The following ADAMTS19 variants were observed in gnomAD, a reference collection of about 807,000 sequenced individuals.
ADAMTS19 encodes ADAM metallopeptidase with thrombospondin type 1 motif 19, also known as A disintegrin and metalloproteinase with thrombospondin motifs 19.
In ADAMTS19, 93 loss-of-function variants were observed where a neutral mutation model predicts 153.3. That is an observed-to-expected ratio of 0.61 (90% CI 0.51 to 0.72). The LOEUF (loss-of-function observed/expected upper bound fraction) is 0.72, where lower values mean the gene tolerates loss of function less well. ADAMTS19 is among the 30% of genes least tolerant of loss of function. The probability of loss-of-function intolerance (pLI) is 0.00; values close to 1 mark genes in which losing one functional copy is unlikely to be tolerated. For synonymous variants in ADAMTS19, 600 were observed against 556.6 expected (o/e 1.08, Z -1.10); for missense variants, 1,482 against 1,552.1 (o/e 0.95, Z 0.76).
chr5:129,666,983 A>G (rs973674414), intron 16 of ADAMTS19, among the ~76,000 whole-genome samples: 1 of 152,206 alleles, frequency 6.6e-6, no homozygotes, highest in Non-Finnish European at 1.5e-5. Flanking sequence ...AGGCAATATT[A>G]CAAAGGTGAC....
intron 2 of ADAMTS19, among the ~76,000 whole-genome samples, chr5:129,473,297 G>A (rs956603654): frequency 1.3e-5 from 2 of 151,998 alleles, no homozygotes; most frequent in South Asian, 2.1e-4. Flanking sequence ...ATTGGGATTT[G>A]AATGTTATGT....
Position 129,620,606 on chromosome 5 carries a change from A to T in ADAMTS19, c.1479-12A>T. The T allele has an allele frequency of 6.5e-7, 1 of 1,544,706 alleles. No homozygotes were observed. Among genetic ancestry groups the T allele is most frequent in the Non-Finnish European group, 8.7e-7 (1 of 1,146,662 alleles). ...AGTGTAAATTTTAAAATTTTATTAT[A>T]TTCCAAATCAGCATGGGCATTAACC... On this transcript the variant is annotated splice_polypyrimidine_tract_variant and intron_variant, in intron 8 of 22. Transcript: ENST00000274487.
chr5:129,618,251 C>T (rs1008203869), intron 8 of ADAMTS19, among the ~76,000 whole-genome samples: 1 of 151,912 alleles, frequency 6.6e-6, no homozygotes, highest in Non-Finnish European at 1.5e-5. Flanking sequence ...AAACATTTAT[C>T]TTCCTATTTT....
At chr5:129,672,187 C>T (rs1224473722) in intron 16 of ADAMTS19, among the ~76,000 whole-genome samples, 2 of 152,088 alleles carry the variant, frequency 1.3e-5, no homozygotes, top group Non-Finnish European at 2.9e-5. Context: ...TCTTGGGACT[C>T]TTATAAGAAC....
At chr5:129,723,309 A>T (rs571262973) in intron 21 of ADAMTS19, among the ~76,000 whole-genome samples, 1 of 152,320 alleles carries the variant, frequency 6.6e-6, no homozygotes, top group East Asian at 1.9e-4. Context: ...TTTTCAGGTA[A>T]AATAAAGTCA....
intron 11 of ADAMTS19, among the ~76,000 whole-genome samples, chr5:129,643,787 T>A (rs1180052286): frequency 1.3e-5 from 2 of 152,184 alleles, no homozygotes; most frequent in Non-Finnish European, 2.9e-5. Flanking sequence ...GTTTTATTTT[T>A]TAAATATATA....
chr5:129,703,412 T>G (rs1174805263), intron 20 of ADAMTS19, among the ~76,000 whole-genome samples: 6 of 152,152 alleles, frequency 3.9e-5, no homozygotes, highest in Non-Finnish European at 8.8e-5. Flanking sequence ...AATTATAATT[T>G]CTAGGAATAT....
intron 2 of ADAMTS19, among the ~76,000 whole-genome samples, chr5:129,508,147 T>C (rs774469267): frequency 7.9e-5 from 12 of 151,914 alleles, no homozygotes; most frequent in Non-Finnish European, 1.8e-4. Context: ...AAAACAGAAT[T>C]AAGAACTTTG....
At chr5:129,705,718 A>C (rs2127169942) in intron 21 of ADAMTS19, among the ~76,000 whole-genome samples, 1 of 152,280 alleles carries the variant, frequency 6.6e-6, no homozygotes, top group South Asian at 2.1e-4. Flanking sequence ...AACTACAACT[A>C]ATTTATTTTA....
intron 7 of ADAMTS19, among the ~76,000 whole-genome samples, chr5:129,552,528 A>G (rs565703296): frequency 1.9e-4 from 28 of 151,336 alleles, no homozygotes; most frequent in Non-Finnish European, 3.5e-4. Flanking sequence ...CCCAGTCTTT[A>G]TATATAAATA....
chr5:129,461,260 G>C lies in ADAMTS19; in HGVS notation c.250G>C (p.Gly84Arg), dbSNP rs939152010. 25 of 1,263,456 alleles carry C rather than the reference G, an allele frequency of 2.0e-5. No homozygotes were observed. The highest frequency in any genetic ancestry group is 6.6e-5 in the South Asian group (2 of 30,076). 78.3% of individuals were successfully genotyped at this position (1,263,456 alleles called of 1,614,324 possible). A position where few individuals can be genotyped will look rare whatever the true frequency, so the allele number is the denominator to read the frequency against. ...CGGAAGCGCCCGGGCGCAGGCTGCC[G>C]GCAGCTCACGCGAGGTGCGCTCTGT... ...GGGSARAQAAGSSREVRSVAP... is the reference protein window; with the variant it reads ...GGGSARAQAARSSREVRSVAP... The change falls in exon 2 of 23, where the codon GGC (glycine) becomes CGC (arginine). Residue 84 changes from glycine to arginine, a missense_variant. Physicochemically the swap from Gly to Arg is moderately radical, Grantham distance 125 (BLOSUM62 -2). This residue lies in a region of ADAMTS19 where 866 missense variants were observed against 827.7 expected (regional missense o/e 1.05). Coordinates refer to ENST00000274487, the MANE Select transcript of ADAMTS19 (RefSeq NM_133638.6). This position sits in a 1 kb window ranked among gnomAD's most constrained non-coding sequence, Gnocchi z 4.6.
intron 6 of ADAMTS19, among the ~76,000 whole-genome samples, chr5:129,534,656 T>G (rs1182152246): frequency 1.3e-5 from 2 of 152,118 alleles, no homozygotes; most frequent in Non-Finnish European, 2.9e-5. Flanking sequence ...TTGATGAACA[T>G]TGATGCAGAA....
At chr5:129,704,180 C>A (rs578140442) in intron 20 of ADAMTS19, 59 bp from the exon 21 acceptor site, 1 of 1,551,222 alleles carries the variant, frequency 6.4e-7, no homozygotes, top group African/African-American at 1.4e-5. Context: ...TTAATTGAGC[C>A]TATCATCTAT....
At chr5:129,641,825 T>C in intron 10 of ADAMTS19, 34 bp from the exon 11 acceptor site, 1 of 1,403,630 alleles carries the variant, frequency 7.1e-7, no homozygotes, top group Non-Finnish European at 9.9e-7. Flanking sequence ...ATGTGATACC[T>C]TCCCCTTATT....
intron 21 of ADAMTS19, among the ~76,000 whole-genome samples, chr5:129,724,673 A>G (rs767791391): frequency 4.6e-5 from 7 of 152,192 alleles, no homozygotes; most frequent in Non-Finnish European, 1.0e-4. Context: ...TCTCTTTCGT[A>G]GAAAGAGAAG....
Position 129,585,191 on chromosome 5 carries a change from C to T in ADAMTS19, c.1373-11368C>T, listed in dbSNP as rs1749719271. Among the ~76,000 whole-genome samples the T allele has an allele frequency of 2.0e-5, 3 of 151,616 alleles. No homozygotes were observed. In the South Asian group the frequency reaches 6.3e-4, roughly 32 times the overall value. ...CTTGCACTTCCCAGGTGAGGCAATG[C>T]CCTGCCCGCTTCTGCTTGCCCTCCG... On this transcript the variant is annotated intron_variant, in intron 7 of 22. Transcript: ENST00000274487.
At chr5:129,673,388 C>T (rs1274310116) in intron 16 of ADAMTS19, among the ~76,000 whole-genome samples, 2 of 151,972 alleles carry the variant, frequency 1.3e-5, no homozygotes, top group Admixed American at 6.6e-5. Flanking sequence ...ATATTAGCAC[C>T]ATGATTTCTA....
chr5:129,702,151 A>C (rs1755895293), intron 20 of ADAMTS19, among the ~76,000 whole-genome samples: 1 of 151,992 alleles, frequency 6.6e-6, no homozygotes, highest in South Asian at 2.1e-4. Flanking sequence ...AACTCATTGC[A>C]CCCTCCCAAC....
intron 2 of ADAMTS19, among the ~76,000 whole-genome samples, chr5:129,464,491 T>C (rs1458653974): frequency 6.6e-6 from 1 of 152,222 alleles, no homozygotes; most frequent in Non-Finnish European, 1.5e-5. Flanking sequence ...CCTCTCTTGA[T>C]AGTAAGCTTT....
Sources: gnomAD v4.1 joint callset for allele counts (sites outside exome capture counted in the v4.1 genomes callset) on GRCh38, gnomAD v4.1.1 for gene constraint, gnomAD v4.1.1 regional missense constraint, Gnocchi (gnomAD v3.1) non-coding constraint, MANE v1.5 for transcripts, NCBI Gene and HGNC (gene_info 2026-07-23, HGNC 2026-07-21) for gene names.